Variants in RGS7 observed in about 807,000 individuals in gnomAD.
The protein encoded by RGS7 is regulator of G-protein signaling 7.
A neutral mutation model predicts 81.1 loss-of-function variants in RGS7; 27 were observed. The ratio of observed to expected loss-of-function variants is 0.33; its 90% CI spans 0.25 to 0.46. The LOEUF (loss-of-function observed/expected upper bound fraction) is 0.46. Among genes scored for constraint, RGS7 ranks in the 20% least tolerant of loss-of-function variants. The pLI is 1.00. For missense variants in RGS7, 396 were observed against 607.4 expected (o/e 0.65, Z 3.66); for synonymous variants, 208 against 207.7 (o/e 1.00, Z -0.01).
rs190167691 is a variant in RGS7, at chr1:241,105,856, C to A, written c.79-7094G>T. On this transcript the variant is annotated intron_variant, in intron 2 of 18. Transcript: ENST00000440928. The stretch of plus-strand genomic sequence containing the variant: ...ACTCTGCCTTACAACCACCATTAAG[C>A]ACAGGCATTTGGAGATATAAATGGG... Among the ~76,000 whole-genome samples the A allele has an allele frequency of 3.9e-5, 6 of 152,292 alleles. No individual in the cohort carries two copies. The East Asian group carries it at 1.2e-3, about 29-fold the overall frequency.
chr1:241,041,133 T>A (rs892205910), intron 3 of RGS7, among the ~76,000 whole-genome samples: 1 of 152,152 alleles, frequency 6.6e-6, no homozygotes, highest in Non-Finnish European at 1.5e-5. Flanking sequence ...CTTTTGAAAA[T>A]GAACTGAAAA....
intron 3 of RGS7, among the ~76,000 whole-genome samples, chr1:241,040,742 G>A (rs1194506171): frequency 2.0e-5 from 3 of 152,046 alleles, no homozygotes; most frequent in Non-Finnish European, 4.4e-5. Context: ...CGCCCACCTC[G>A]GCCTCCCAAG....
At chr1:241,343,022 G>A (rs535223455) in intron 2 of RGS7, among the ~76,000 whole-genome samples, 17 of 152,196 alleles carry the variant, frequency 1.1e-4, no homozygotes, top group South Asian at 4.2e-4. Flanking sequence ...CAGCACTTTC[G>A]GAGGCAGAGG....
At chr1:240,807,711 A>G (rs1689111034) in intron 14 of RGS7, among the ~76,000 whole-genome samples, 1 of 152,150 alleles carries the variant, frequency 6.6e-6, no homozygotes, top group Non-Finnish European at 1.5e-5. Context: ...CTCTTAAAAC[A>G]CAGATTTAGA....
intron 2 of RGS7, among the ~76,000 whole-genome samples, chr1:241,304,133 G>A (rs114396340): frequency 0.013 from 1,973 of 152,032 alleles, 45 homozygotes; most frequent in African/African-American, 0.044. Flanking sequence ...ATTTTGCTAC[G>A]TTGCCCAGCC....
chr1:240,910,659 GTATAT>G (rs1490099626), intron 6 of RGS7, among the ~76,000 whole-genome samples: 3 of 152,104 alleles, frequency 2.0e-5, no homozygotes, highest in Non-Finnish European at 4.4e-5. Context: ...TCTAATCACC[GTATAT>G]TATATGTATT....
chr1:240,944,282 G>GTATA (rs760788169), intron 4 of RGS7, among the ~76,000 whole-genome samples: 25 of 55,780 alleles, frequency 4.5e-4, no homozygotes, highest in South Asian at 2.2e-3. Flanking sequence ...GTGTGTGTGT[G>GTATA]TATATATATA....
intron 6 of RGS7, among the ~76,000 whole-genome samples, chr1:240,922,627 A>G (rs952438316): frequency 1.3e-5 from 2 of 152,112 alleles, no homozygotes; most frequent in African/African-American, 4.8e-5. Flanking sequence ...GAGGTGCTCA[A>G]TATCATATGT....
chr1:241,250,210 G>A (rs2076762558), intron 2 of RGS7, among the ~76,000 whole-genome samples: 1 of 152,056 alleles, frequency 6.6e-6, no homozygotes, highest in Admixed American at 6.5e-5. Flanking sequence ...CAGCATATAT[G>A]TATTTTAGTA....
chr1:241,099,433 T>C (rs2102889085), intron 2 of RGS7, among the ~76,000 whole-genome samples: 1 of 152,090 alleles, frequency 6.6e-6, no homozygotes, highest in Admixed American at 6.5e-5. Flanking sequence ...TACACACACA[T>C]GCACACACAC....
intron 2 of RGS7, among the ~76,000 whole-genome samples, chr1:241,331,242 A>G (rs2081961107): frequency 6.6e-6 from 1 of 152,130 alleles, no homozygotes; most frequent in African/African-American, 2.4e-5. Context: ...GGTCTGCAAA[A>G]CCTCTGAACT....
At chr1:241,228,910 C>T (rs973501590) in intron 2 of RGS7, among the ~76,000 whole-genome samples, 1 of 151,992 alleles carries the variant, frequency 6.6e-6, no homozygotes, top group African/African-American at 2.4e-5. Flanking sequence ...TTAATAGGAT[C>T]GTACTAACGT....
At chr1:241,015,474 AC>A (rs2148673355) in intron 3 of RGS7, among the ~76,000 whole-genome samples, 1 of 152,258 alleles carries the variant, frequency 6.6e-6, no homozygotes, top group East Asian at 1.9e-4. Flanking sequence ...TAATATATAA[AC>A]CTTTAACCTA....
At chr1:241,233,602 T>G (rs2075778320) in intron 2 of RGS7, among the ~76,000 whole-genome samples, 1 of 152,232 alleles carries the variant, frequency 6.6e-6, no homozygotes, top group African/African-American at 2.4e-5. Flanking sequence ...TATTCCATTG[T>G]GTACATCTAC....
chr1:241,311,647 T>C (rs1315021090), intron 2 of RGS7, among the ~76,000 whole-genome samples: 1 of 152,190 alleles, frequency 6.6e-6, no homozygotes, highest in South Asian at 2.1e-4. Context: ...TCTATAGGGC[T>C]CAATTCAGCT....
intron 2 of RGS7, among the ~76,000 whole-genome samples, chr1:241,195,370 G>T (rs900581802): frequency 6.6e-6 from 1 of 152,106 alleles, no homozygotes; most frequent in Non-Finnish European, 1.5e-5. Context: ...CAGCTACTCA[G>T]GAAGCTGAGG....
At chr1:241,136,714 T>A (rs1486313935) in intron 2 of RGS7, among the ~76,000 whole-genome samples, 2 of 152,180 alleles carry the variant, frequency 1.3e-5, no homozygotes, top group African/African-American at 2.4e-5. Flanking sequence ...CATTTTCAGT[T>A]CTTTTGGACA....
At chr1:241,333,913 A>C (rs2082100853) in intron 2 of RGS7, among the ~76,000 whole-genome samples, 1 of 151,946 alleles carries the variant, frequency 6.6e-6, no homozygotes, top group African/African-American at 2.4e-5. Flanking sequence ...TTTCTGTGAA[A>C]GTTAGATGAC....
At chr1:241,252,249 G>A (rs2076869587) in intron 2 of RGS7, among the ~76,000 whole-genome samples, 1 of 151,482 alleles carries the variant, frequency 6.6e-6, no homozygotes, top group Admixed American at 6.6e-5. Flanking sequence ...TCGCCATGTT[G>A]ACCAGGCTGG....
Sources: allele counts gnomAD v4.1 joint callset (sites outside exome capture counted in the v4.1 genomes callset), GRCh38; gene constraint gnomAD v4.1.1; transcripts MANE v1.5; gene names NCBI Gene and HGNC (gene_info 2026-07-23, HGNC 2026-07-21).